Variants in PSTPIP2 observed in about 807,000 individuals in gnomAD.
PSTPIP2 encodes the protein proline-serine-threonine phosphatase-interacting protein 2.
In PSTPIP2, 33 loss-of-function variants were observed where a neutral mutation model predicts 63.3. That is an observed-to-expected ratio of 0.52 (90% CI 0.40 to 0.70). The LOEUF (loss-of-function observed/expected upper bound fraction) is 0.70, where lower values mean the gene tolerates loss of function less well. PSTPIP2 is among the 30% of genes least tolerant of loss of function. PSTPIP2 has a pLI of 0.00. For missense variants in PSTPIP2, 312 were observed against 400.7 expected, an observed-to-expected ratio of 0.78 and a Z score of 1.89; for synonymous variants, 125 against 132.7, an observed-to-expected ratio of 0.94 and a Z score of 0.40.
At chr18:46,045,535 T>C (rs1239544681) in intron 1 of PSTPIP2, among the ~76,000 whole-genome samples, 1 of 152,088 alleles carries the variant, frequency 6.6e-6, no homozygotes, top group Non-Finnish European at 1.5e-5. Flanking sequence ...GGGGAAGGGA[T>C]AGCTTTAGGA....
intron 8 of PSTPIP2, among the ~76,000 whole-genome samples, chr18:45,998,068 G>T (rs897785545): frequency 1.3e-5 from 2 of 152,104 alleles, no homozygotes; most frequent in Non-Finnish European, 2.9e-5. Context: ...GAGAAAGAAA[G>T]GTTCTAAGGA....
chr18:46,011,333 A>T, intron 4 of PSTPIP2, 46 bp from the exon 5 acceptor site: 1 of 1,381,340 alleles, frequency 7.2e-7, no homozygotes. Flanking sequence ...CATATGTCTG[A>T]ATTAAAATAT....
rs113668126 is a variant in PSTPIP2 at position 45,998,744 on chromosome 18, C to T, written c.562+50G>A. 2.3e-3 allele frequency: 3,662 copies of T among 1,582,592 alleles called. 75 individuals carry two copies. In the African/African-American group the frequency reaches 0.042, roughly 18 times the overall value. ...TTTCTCAGGGACACATTTAGGATAACGTAAACCCCACCAGCAACCCTCCCC... is the reference window on the plus strand; with the variant it reads ...TTTCTCAGGGACACATTTAGGATAATGTAAACCCCACCAGCAACCCTCCCC... On this transcript the variant is annotated intron_variant, in intron 8 of 14. Transcript: ENST00000409746.
At chr18:45,996,203 T>C (rs2051592661) in intron 9 of PSTPIP2, among the ~76,000 whole-genome samples, 1 of 151,924 alleles carries the variant, frequency 6.6e-6, no homozygotes, top group Admixed American at 6.6e-5. Context: ...CCCAAGAAGG[T>C]GGGGAAAGGC....
chr18:46,054,247 G>C (rs569315028), intron 1 of PSTPIP2, among the ~76,000 whole-genome samples: 1 of 152,166 alleles, frequency 6.6e-6, no homozygotes, highest in Non-Finnish European at 1.5e-5. Flanking sequence ...GCAGTCTCTT[G>C]TTGACCAAAA....
chr18:46,028,631 G>C, intron 2 of PSTPIP2: 2 of 803,280 alleles, frequency 2.5e-6, no homozygotes. Flanking sequence ...AGCCAATTTG[G>C]GTGGATGAAG....
intron 12 of PSTPIP2, among the ~76,000 whole-genome samples, chr18:45,991,678 T>C (rs774672316): frequency 3.3e-5 from 5 of 152,184 alleles, no homozygotes; most frequent in Non-Finnish European, 7.3e-5. Flanking sequence ...GATTCATCCA[T>C]GAATAACAAT....
chr18:46,060,924 C>T (rs916157844), intron 1 of PSTPIP2, among the ~76,000 whole-genome samples: 1 of 152,200 alleles, frequency 6.6e-6, no homozygotes, highest in South Asian at 2.1e-4. Flanking sequence ...TACTAATTGA[C>T]AATGACACGT....
chr18:46,051,339 A>C (rs1908573648), intron 1 of PSTPIP2, among the ~76,000 whole-genome samples: 1 of 152,068 alleles, frequency 6.6e-6, no homozygotes, highest in Admixed American at 6.5e-5. Context: ...AGCTGGGTGC[A>C]TGGTGGGCAC....
chr18:45,995,025 C>T (rs978971832), intron 9 of PSTPIP2, among the ~76,000 whole-genome samples: 11 of 152,126 alleles, frequency 7.2e-5, no homozygotes, highest in Non-Finnish European at 1.2e-4. Context: ...AGCCATTATC[C>T]TGAATTGTAT....
intron 2 of PSTPIP2, among the ~76,000 whole-genome samples, chr18:46,029,989 C>A (rs561906484): frequency 1.5e-4 from 23 of 152,260 alleles, no homozygotes; most frequent in Non-Finnish European, 2.2e-4. Flanking sequence ...TGGCAGGTGC[C>A]TGTAATCCCA....
At chr18:46,013,241 C>T (rs2051819391) in intron 4 of PSTPIP2, among the ~76,000 whole-genome samples, 1 of 152,184 alleles carries the variant, frequency 6.6e-6, no homozygotes, top group Admixed American at 6.5e-5. Context: ...TGAAAAGTTA[C>T]TGTCTCTACT....
At chr18:46,022,281 ATGTGTG>A (rs150331548) in intron 3 of PSTPIP2, among the ~76,000 whole-genome samples, 1 of 150,368 alleles carries the variant, frequency 6.7e-6, no homozygotes, top group Non-Finnish European at 1.5e-5. Flanking sequence ...GTGTGTGTGT[ATGTGTG>A]TGTGTGTGTG....
intron 2 of PSTPIP2, chr18:46,028,773 C>A: frequency 9.0e-7 from 1 of 1,109,744 alleles, no homozygotes; most frequent in Non-Finnish European, 1.4e-6. Flanking sequence ...TCCAGCATGC[C>A]GTGGGAGGAG....
At chr18:46,058,181 C>T (rs372377702) in intron 1 of PSTPIP2, among the ~76,000 whole-genome samples, 9 of 151,934 alleles carry the variant, frequency 5.9e-5, no homozygotes, top group African/African-American at 2.2e-4. Context: ...CACTTGCCTA[C>T]CTGTATAGGA....
intron 1 of PSTPIP2, among the ~76,000 whole-genome samples, chr18:46,065,076 G>A (rs530171370): frequency 4.0e-5 from 6 of 150,030 alleles, no homozygotes; most frequent in South Asian, 2.1e-4. Context: ...CCCAGGAGGC[G>A]GAGGTTACAG....
intron 10 of PSTPIP2, among the ~76,000 whole-genome samples, 157 bp downstream of exon 10, chr18:45,993,448 C>A (rs1250433552): frequency 6.6e-6 from 1 of 152,192 alleles, no homozygotes; most frequent in African/African-American, 2.4e-5. Flanking sequence ...AGTCAGGTTA[C>A]ATGTTATCTG....
At chr18:46,064,407 C>T (rs1357083826) in intron 1 of PSTPIP2, among the ~76,000 whole-genome samples, 2 of 148,184 alleles carry the variant, frequency 1.3e-5, no homozygotes, top group Non-Finnish European at 1.5e-5. Context: ...TCTCCTGCCA[C>T]AGCCTCCCGA....
intron 2 of PSTPIP2, among the ~76,000 whole-genome samples, chr18:46,039,668 T>C (rs1470677377): frequency 6.6e-6 from 1 of 152,158 alleles, no homozygotes; most frequent in Non-Finnish European, 1.5e-5. Flanking sequence ...AAAAGCTACA[T>C]CATGGGGTCT....
Sources: allele counts gnomAD v4.1 joint callset (sites outside exome capture counted in the v4.1 genomes callset), GRCh38; gene constraint gnomAD v4.1.1; transcripts MANE v1.5; gene names NCBI Gene and HGNC (gene_info 2026-07-23, HGNC 2026-07-21).